Variants in VPS50 observed in about 807,000 individuals in gnomAD.
VPS50 encodes the protein syndetin.
VPS50 carries 70 observed loss-of-function variants against 139.7 expected under a neutral mutation model. That is an observed-to-expected ratio of 0.50 (90% CI 0.41 to 0.61). The LOEUF is 0.61. Among genes scored for constraint, VPS50 ranks in the 20% least tolerant of loss-of-function variants. The pLI, the probability that VPS50 is intolerant of heterozygous loss-of-function variation, is 0.00. For synonymous variants in VPS50, 365 were observed against 376.7 expected (o/e 0.97, Z 0.36); for missense variants, 921 against 1,133.7 (o/e 0.81, Z 2.69).
At chr7:93,358,277 CT>C in intron 27 of VPS50, 39 bp from the exon 28 acceptor site, 2 of 1,603,468 alleles carry the variant, frequency 1.2e-6, no homozygotes, top group Non-Finnish European at 1.7e-6. Context: ...AGATACATTC[CT>C]TTTAGGGTAC....
At position 93,303,469 on chromosome 7, in the gene VPS50, C is replaced by A; in HGVS notation, c.1371C>A (p.Leu457=). Residue 457 remains leucine, a synonymous_variant, in exon 17 of 28, where the codon CTC becomes CTA. Coordinates refer to ENST00000305866, the MANE Select transcript of VPS50 (RefSeq NM_017667.4). ...NYFKNYHRTR[L]DELRMFLENE... is the part of the protein sequence containing the mutation. ...ATTTTCTTTTTTTAAGAACACGGCT[C>A]GATGAACTGAGAATGTTCTTAGAGA... 1 of 1,553,856 alleles carries A rather than the reference C, an allele frequency of 6.4e-7. No individual in the cohort carries two copies. Among genetic ancestry groups the A allele is most frequent in the Non-Finnish European group, 8.8e-7 (1 of 1,136,896 alleles).
At position 93,232,507 on chromosome 7, in the gene VPS50, C is replaced by G; in HGVS notation, c.33+7C>G. The G allele has an allele frequency of 1.2e-6, 2 of 1,612,518 alleles. No individual in the cohort carries two copies. The highest frequency in any genetic ancestry group is 1.7e-6 in the Non-Finnish European group (2 of 1,178,752). On this transcript the variant is annotated splice_region_variant and intron_variant, in intron 1 of 27. Coordinates refer to ENST00000305866, the MANE Select transcript of VPS50 (RefSeq NM_017667.4). Reference sequence around the variant, plus strand: ...ATCTCTCATGACCCGACAGGTAAGTCGCGGCGGCTGAAGCAAAGGCTTCCT... The same window carrying G: ...ATCTCTCATGACCCGACAGGTAAGTGGCGGCGGCTGAAGCAAAGGCTTCCT...
At chr7:93,273,594 A>T (rs1339468991) in intron 11 of VPS50, 3 of 152,088 alleles carry the variant, frequency 2.0e-5, no homozygotes, top group African/African-American at 7.2e-5. Context: ...TGAAAATAGG[A>T]TTATAACTTC....
At chr7:93,303,302 C>T (rs1797030791) in intron 16 of VPS50, among the ~76,000 whole-genome samples, 158 bp from the exon 17 acceptor site, 1 of 151,786 alleles carries the variant, frequency 6.6e-6, no homozygotes, top group African/African-American at 2.4e-5. Context: ...TAAAAGTAAA[C>T]ATTTCTGTTT....
chr7:93,298,063 A>G (rs1290485355), intron 16 of VPS50, among the ~76,000 whole-genome samples: 1 of 152,186 alleles, frequency 6.6e-6, no homozygotes, highest in Non-Finnish European at 1.5e-5. Context: ...ACAGTGATAT[A>G]TGCCATGTCA....
intron 22 of VPS50, among the ~76,000 whole-genome samples, chr7:93,335,702 C>T (rs529142681): frequency 6.6e-6 from 1 of 152,222 alleles, no homozygotes; most frequent in South Asian, 2.1e-4. Context: ...TAACCTTGAG[C>T]ATCAAATCTT....
rs1438403729 is a variant in VPS50, at chr7:93,318,840, A to G, written c.1856-4771A>G. On this transcript the variant is annotated intron_variant, in intron 20 of 27. Coordinates refer to ENST00000305866, the MANE Select transcript of VPS50 (RefSeq NM_017667.4). The stretch of plus-strand genomic sequence containing the variant: ...ACAAATGACACTGTACAAACAAACA[A>G]CATCGGTTCTCTTTTCTAGGAGTTT... Among the ~76,000 whole-genome samples, 3 of 152,164 alleles carry G rather than the reference A, an allele frequency of 2.0e-5. No homozygotes were observed. The East Asian group carries it at 5.8e-4, about 29-fold the overall frequency.
intron 9 of VPS50, among the ~76,000 whole-genome samples, chr7:93,269,455 C>T (rs1369987979): frequency 2.6e-5 from 4 of 152,080 alleles, no homozygotes; most frequent in Non-Finnish European, 1.5e-5. Flanking sequence ...AGAGAATATA[C>T]TCTCCAGTCC....
At chr7:93,268,740 G>A (rs1188204066) in intron 9 of VPS50, among the ~76,000 whole-genome samples, 2 of 152,060 alleles carry the variant, frequency 1.3e-5, no homozygotes, top group Admixed American at 1.3e-4. Flanking sequence ...ATGGGCATTT[G>A]GGTTGACTCC....
intron 13 of VPS50, among the ~76,000 whole-genome samples, chr7:93,292,512 A>C (rs1292116462): frequency 6.6e-6 from 1 of 152,170 alleles, no homozygotes; most frequent in African/African-American, 2.4e-5. Context: ...TACTTATAAA[A>C]ACAGTAAATG....
intron 20 of VPS50, among the ~76,000 whole-genome samples, chr7:93,312,764 CT>C (rs1797308357): frequency 6.6e-6 from 1 of 151,966 alleles, no homozygotes; most frequent in Middle Eastern, 3.4e-3. Flanking sequence ...AGTTATCGTG[CT>C]TCCTTTTCTC....
chr7:93,309,215 C>A (rs1020578954), intron 19 of VPS50, among the ~76,000 whole-genome samples: 3 of 151,866 alleles, frequency 2.0e-5, no homozygotes, highest in African/African-American at 7.2e-5. Flanking sequence ...CAGATCAGTT[C>A]ATCTAACTGT....
chr7:93,257,269 G>A, intron 5 of VPS50, 125 bp from the exon 6 acceptor site: 1 of 575,872 alleles, frequency 1.7e-6, no homozygotes, highest in Non-Finnish European at 3.0e-6. Context: ...AGGTATTTTT[G>A]TTGCTACTTT....
intron 2 of VPS50, among the ~76,000 whole-genome samples, chr7:93,250,814 C>G (rs1795300727): frequency 6.6e-6 from 1 of 152,040 alleles, no homozygotes; most frequent in African/African-American, 2.4e-5. Flanking sequence ...GAGCTAATAT[C>G]CAGAATCTAC....
At chr7:93,293,188 A>C (rs573790423) in intron 13 of VPS50, among the ~76,000 whole-genome samples, 3 of 152,334 alleles carry the variant, frequency 2.0e-5, no homozygotes, top group African/African-American at 7.2e-5. Flanking sequence ...TAATATGATG[A>C]AATGAAATGG....
intron 9 of VPS50, among the ~76,000 whole-genome samples, chr7:93,261,699 AGAAAT>A (rs1795688605): frequency 6.7e-6 from 1 of 150,062 alleles, no homozygotes; most frequent in Non-Finnish European, 1.5e-5. Context: ...AAAAAAAAAA[AGAAAT>A]TAGGCTGTAG....
In VPS50 at chr7:93,253,898, G is replaced by T. The variant is rs748210910; in HGVS notation, c.264G>T (p.Ala88=). Residue 88 remains alanine (A), a synonymous_variant, in exon 4 of 28, where the codon GCG becomes GCT. Transcript: ENST00000305866. ...PPVLNLQELE[A]YRDKLKQQQA... ...TTCTCAATTTGCAAGAATTAGAGGC[G>T]TATAGAGACAAATTGAAACAACAGC... The T allele has an allele frequency of 6.3e-7, 1 of 1,599,506 alleles. No individual in the cohort carries two copies. Among genetic ancestry groups the T allele is most frequent in the Non-Finnish European group, 8.5e-7 (1 of 1,170,066 alleles).
intron 12 of VPS50, among the ~76,000 whole-genome samples, chr7:93,280,751 T>C (rs1279314180): frequency 6.6e-6 from 1 of 152,106 alleles, no homozygotes; most frequent in Non-Finnish European, 1.5e-5. Flanking sequence ...TTTAGGACAA[T>C]GGAGTTGGCT....
At chr7:93,278,139 TA>T (rs1377730703) in intron 12 of VPS50, among the ~76,000 whole-genome samples, 1 of 152,198 alleles carries the variant, frequency 6.6e-6, no homozygotes, top group Non-Finnish European at 1.5e-5. Context: ...TATATGCTTT[TA>T]AAAAAGTCAA....
Sources: allele counts gnomAD v4.1 joint callset (sites outside exome capture counted in the v4.1 genomes callset), GRCh38; gene constraint gnomAD v4.1.1; transcripts MANE v1.5; gene names NCBI Gene and HGNC (gene_info 2026-07-23, HGNC 2026-07-21).